Variants in UPF3A observed in about 807,000 individuals in gnomAD.
UPF3A encodes regulator of nonsense transcripts 3A.
UPF3A carries 42 observed loss-of-function variants against 53.5 expected under a neutral mutation model. The observed-to-expected ratio is 0.78, with a 90% CI of 0.61 to 1.01. The LOEUF is 1.01. Ranked by LOEUF, UPF3A falls within the 50% of genes least tolerant of loss-of-function variation. The pLI is 0.00. For missense variants in UPF3A, 575 were observed against 598.0 expected (o/e 0.96, Z 0.40); for synonymous variants, 237 against 225.3 (o/e 1.05, Z -0.47).
At chr13:114,281,951 G>A in intron 1 of UPF3A, 70 bp from the exon 2 acceptor site, 1 of 1,419,692 alleles carries the variant, frequency 7.0e-7, no homozygotes. Flanking sequence ...CTCCCAGCGC[G>A]GTACGCGGTG....
Position 114,301,809 on chromosome 13 carries a change from T to C in UPF3A, c.1086T>C (p.His362=), listed in dbSNP as rs780817322. Residue 362 remains histidine, a synonymous_variant, in exon 9 of 10, where the codon CAT becomes CAC. Coordinates refer to ENST00000375299, the MANE Select transcript of UPF3A (RefSeq NM_023011.4). ...QEQESEAQRY[H]VDDGRRHRAH... is the part of the protein sequence containing the mutation. Reference sequence around the variant, plus strand: ...AAGAATCTGAAGCACAAAGATACCATGTGGATGACGGCAGGAGGCACAGAG... The same window carrying C: ...AAGAATCTGAAGCACAAAGATACCACGTGGATGACGGCAGGAGGCACAGAG... 17 of 1,613,858 alleles carry C rather than the reference T, an allele frequency of 1.1e-5. No individual in the cohort carries two copies. The highest frequency in any genetic ancestry group is 2.2e-5 in the South Asian group (2 of 91,066).
At position 114,299,015 on chromosome 13, in the gene UPF3A, ATTG is replaced by A. The variant is rs759009873; in HGVS notation, c.1007+18_1007+20del. 19 of 1,585,860 alleles carry A rather than the reference ATTG, an allele frequency of 1.2e-5. No individual in the cohort carries two copies. The highest frequency in any genetic ancestry group is 1.9e-5 in the Admixed American group (1 of 52,756). On this transcript the variant is annotated intron_variant, in intron 8 of 9. Transcript: ENST00000375299. Reference sequence around the variant, plus strand: ...CCCCAGGAGACGTGAGCGTGCTTTCATTGTTATGACCACGTCAGCTCCCAGTCA... The same window carrying A: ...CCCCAGGAGACGTGAGCGTGCTTTCATTATGACCACGTCAGCTCCCAGTCA...
chr13:114,293,071 CAAAAA>C (rs1164617444), intron 7 of UPF3A, among the ~76,000 whole-genome samples: 6 of 49,604 alleles, frequency 1.2e-4, no homozygotes, highest in Non-Finnish European at 1.6e-4. Context: ...GACTCCCTCT[CAAAAA>C]AAAAAAAAAA....
chr13:114,288,554 C>T (rs915068236), intron 5 of UPF3A, among the ~76,000 whole-genome samples: 1 of 152,162 alleles, frequency 6.6e-6, no homozygotes, highest in Non-Finnish European at 1.5e-5. Context: ...AGGTTCAGGG[C>T]ACTGCAAGAC....
In UPF3A at chr13:114,281,675, G is replaced by A. The variant is rs1226827606; in HGVS notation, c.36G>A (p.Arg12=). 3.9e-6 allele frequency: 6 copies of A among 1,530,782 alleles called. No homozygotes were observed. Among genetic ancestry groups the A allele is most frequent in the Non-Finnish European group, 5.3e-6 (6 of 1,139,822 alleles). 94.8% of individuals were successfully genotyped at this position (1,530,782 alleles called of 1,614,324 possible). A position where few individuals can be genotyped will look rare whatever the true frequency, so the allele number is the denominator to read the frequency against. Residue 12 remains arginine (R), a synonymous_variant, in exon 1 of 10, where the codon CGG becomes CGA. Transcript: ENST00000375299. ...AAAAGGAGGGGGCCGGAGGCCTTCGGGCGGCCGTTGCCGCGCGGGGCCCGA... is the reference window on the plus strand; with the variant it reads ...AAAAGGAGGGGGCCGGAGGCCTTCGAGCGGCCGTTGCCGCGCGGGGCCCGA... The part of the protein sequence containing the change: ...RSEKEGAGGL[R]AAVAARGPSG...
Position 114,282,117 on chromosome 13 carries a change from G to C in UPF3A, c.304G>C (p.Ala102Pro). The C allele has an allele frequency of 6.4e-7, 1 of 1,562,866 alleles. No individual in the cohort carries two copies. Among genetic ancestry groups the C allele is most frequent in the Non-Finnish European group, 8.7e-7 (1 of 1,154,814 alleles). ...ACACGACTACTTCGAGTTCTTCGCC[G>C]CCGACCTGAGGTGAGGCCCGCCCCG... ...PAHDYFEFFAADLSLYPHLYS... is the reference protein window; with the variant it reads ...PAHDYFEFFAPDLSLYPHLYS... The change falls in exon 2 of 10, where the codon GCC (alanine) becomes CCC (proline). Residue 102 changes from alanine to proline, a missense_variant. Physicochemically the swap from Ala to Pro is conservative, Grantham distance 27. Around this residue, in one of 2 missense-constraint regions of UPF3A, gnomAD observed 252 missense variants for 182.7 expected, o/e 1.38. Coordinates refer to ENST00000375299, the MANE Select transcript of UPF3A (RefSeq NM_023011.4).
intron 7 of UPF3A, among the ~76,000 whole-genome samples, chr13:114,296,661 G>A (rs781661232): frequency 6.6e-5 from 10 of 152,140 alleles, no homozygotes; most frequent in Non-Finnish European, 7.3e-5. Context: ...CAGAAGTACC[G>A]GTGACACACT....
In UPF3A at chr13:114,304,910, C is replaced by T. The variant is rs752763280; in HGVS notation, c.1424C>T (p.Ala475Val). 5.6e-6 allele frequency: 9 copies of T among 1,612,716 alleles called. No individual in the cohort carries two copies. Among genetic ancestry groups the T allele is most frequent in the Non-Finnish European group, 7.6e-6 (9 of 1,179,422 alleles). ...ACTGGTCCTGAGAAGAGGGAAGAGGCAGAGTGAGTCACTGCACGCACCTGG... is the reference window on the plus strand; with the variant it reads ...ACTGGTCCTGAGAAGAGGGAAGAGGTAGAGTGAGTCACTGCACGCACCTGG... ...SGTGPEKREEAE is the reference protein window; with the variant it reads ...SGTGPEKREEVE The change falls in exon 10 of 10, where the codon GCA becomes GTA. Residue 475 changes from alanine (A) to valine (V), a missense_variant. By Grantham distance (64) the Ala-to-Val change is moderately conservative. Coordinates refer to ENST00000375299, the MANE Select transcript of UPF3A (RefSeq NM_023011.4).
chr13:114,281,881 G>A (rs1346830049), intron 1 of UPF3A, 35 bp downstream of exon 1: 2 of 1,466,300 alleles, frequency 1.4e-6, no homozygotes, highest in Admixed American at 2.1e-5. Context: ...AACCTCGCGA[G>A]GAGAGGACGG....
At chr13:114,295,633 G>T (rs571216773) in intron 7 of UPF3A, among the ~76,000 whole-genome samples, 1 of 152,116 alleles carries the variant, frequency 6.6e-6, no homozygotes, top group Admixed American at 6.5e-5. Context: ...ATGTCTGTTC[G>T]TAGCTTTTGA....
At position 114,303,411 on chromosome 13, in the gene UPF3A, C is replaced by T. The variant is rs201309721; in HGVS notation, c.1303-1378C>T. Reference sequence around the variant, plus strand: ...GGCGCTGTGTGCAGGAGCTACTTTCCCGGGAGCCTGGCATTTGTCATGTAC... The same window carrying T: ...GGCGCTGTGTGCAGGAGCTACTTTCTCGGGAGCCTGGCATTTGTCATGTAC... On this transcript the variant is annotated intron_variant, in intron 9 of 9. Coordinates refer to ENST00000375299, the MANE Select transcript of UPF3A (RefSeq NM_023011.4). Among the ~76,000 whole-genome samples, 7 of 152,278 alleles carry T rather than the reference C, an allele frequency of 4.6e-5. No homozygotes were observed. In the East Asian group the frequency reaches 1.4e-3, roughly 29 times the overall value.
At chr13:114,282,492 T>A in intron 2 of UPF3A, 1 of 985,352 alleles carries the variant, frequency 1.0e-6, no homozygotes, top group Non-Finnish European at 1.2e-6. Context: ...TCCACGCTGG[T>A]GCCGCAGCCA....
chr13:114,304,410 A>G (rs564480033), intron 9 of UPF3A, among the ~76,000 whole-genome samples: 1 of 152,340 alleles, frequency 6.6e-6, no homozygotes, highest in African/African-American at 2.4e-5. Context: ...CTAGGCAGGG[A>G]TAAGCCCCAT....
At chr13:114,285,479 T>C (rs2084591476) in intron 3 of UPF3A, 1 of 152,192 alleles carries the variant, frequency 6.6e-6, no homozygotes, top group South Asian at 2.1e-4. Flanking sequence ...TTCTGGATAG[T>C]GGAGGTTGGC....
chr13:114,295,006 G>A (rs2139286887), intron 7 of UPF3A, among the ~76,000 whole-genome samples: 1 of 151,454 alleles, frequency 6.6e-6, no homozygotes, highest in South Asian at 2.1e-4. Flanking sequence ...CAGCTACTTG[G>A]AAGGCTGAGG....
chr13:114,290,614 G>A (rs1442314098), intron 5 of UPF3A, among the ~76,000 whole-genome samples: 4 of 152,170 alleles, frequency 2.6e-5, no homozygotes, highest in African/African-American at 7.2e-5. Context: ...CTGAGAGGTC[G>A]GGCATGAAAG....
chr13:114,285,275 A>C (rs2084566433), intron 3 of UPF3A: 2 of 151,844 alleles, frequency 1.3e-5, no homozygotes, highest in Admixed American at 6.6e-5. Flanking sequence ...TGTGCTCTCT[A>C]TTTTATTCCC....
chr13:114,283,321 A>ATT (rs1449802965), intron 3 of UPF3A: 1 of 155,226 alleles, frequency 6.4e-6, no homozygotes, highest in East Asian at 1.9e-4. Context: ...CATCCGGTCT[A>ATT]TTTGTGCATT....
At chr13:114,302,918 A>G (rs1181394393) in intron 9 of UPF3A, among the ~76,000 whole-genome samples, 2 of 152,156 alleles carry the variant, frequency 1.3e-5, no homozygotes, top group East Asian at 3.9e-4. Context: ...CCTGGCCAAC[A>G]TGGCGAAACC....
Sources: gnomAD v4.1 joint callset for allele counts (sites outside exome capture counted in the v4.1 genomes callset) on GRCh38, gnomAD v4.1.1 for gene constraint, gnomAD v4.1.1 regional missense constraint, MANE v1.5 for transcripts, NCBI Gene and HGNC (gene_info 2026-07-23, HGNC 2026-07-21) for gene names.